PRKN: variants seen among roughly 807,000 people sequenced by gnomAD.
PRKN encodes E3 ubiquitin-protein ligase parkin.
A neutral mutation model predicts 59.5 loss-of-function variants in PRKN; 56 were observed. The ratio of observed to expected loss-of-function variants is 0.94; its 90% CI spans 0.76 to 1.18. The LOEUF (loss-of-function observed/expected upper bound fraction) is 1.18. PRKN is among the 50% of genes most tolerant of loss of function. PRKN has a pLI of 0.00. For synonymous variants in PRKN, 250 were observed against 222.1 expected, an observed-to-expected ratio of 1.13 and a Z score of -1.12; for missense variants, 657 against 596.4, an observed-to-expected ratio of 1.10 and a Z score of -1.06.
At chr6:161,721,954 T>C (rs1225986059) in intron 7 of PRKN, among the ~76,000 whole-genome samples, 1 of 152,164 alleles carries the variant, frequency 6.6e-6, no homozygotes, top group Admixed American at 6.5e-5. Flanking sequence ...AAAAAGACCT[T>C]AGAAGCACTT....
At chr6:162,724,446 T>G (rs936019731) in intron 1 of PRKN, among the ~76,000 whole-genome samples, 1 of 152,200 alleles carries the variant, frequency 6.6e-6, no homozygotes, top group African/African-American at 2.4e-5. Context: ...TACATGTCAT[T>G]AGCAGTGAGG....
chr6:161,521,719 T>C (rs1184196336), intron 9 of PRKN, among the ~76,000 whole-genome samples: 5 of 152,150 alleles, frequency 3.3e-5, no homozygotes, highest in African/African-American at 9.7e-5. Context: ...CTTGACCCAT[T>C]TGGGAGGTCC....
intron 3 of PRKN, among the ~76,000 whole-genome samples, chr6:162,240,266 T>C (rs865920339): frequency 1.3e-5 from 2 of 152,176 alleles, no homozygotes; most frequent in Non-Finnish European, 2.9e-5. Context: ...AATTCTATCA[T>C]CCAATAAGTG....
intron 2 of PRKN, among the ~76,000 whole-genome samples, chr6:162,410,283 G>C (rs1161361372): frequency 1.3e-5 from 2 of 152,068 alleles, no homozygotes; most frequent in Admixed American, 6.5e-5. Context: ...CCCCATGGGG[G>C]GAAGAGATCC....
At chr6:161,990,939 T>C (rs911204057) in intron 5 of PRKN, among the ~76,000 whole-genome samples, 1 of 152,178 alleles carries the variant, frequency 6.6e-6, no homozygotes, top group Non-Finnish European at 1.5e-5. Flanking sequence ...AAATGTCTTT[T>C]TCAAGGAACA....
intron 2 of PRKN, among the ~76,000 whole-genome samples, chr6:162,377,848 T>C (rs553252965): frequency 1.1e-4 from 17 of 152,308 alleles, no homozygotes; most frequent in Admixed American, 4.6e-4. Flanking sequence ...TGGTTATTAA[T>C]ACTCCAAACT....
At chr6:162,405,901 C>T (rs900444632) in intron 2 of PRKN, among the ~76,000 whole-genome samples, 4 of 152,024 alleles carry the variant, frequency 2.6e-5, no homozygotes, top group Admixed American at 6.5e-5. Context: ...TGTGGTATGG[C>T]GGCCCTAGCA....
intron 7 of PRKN, among the ~76,000 whole-genome samples, chr6:161,602,436 A>C (rs1583280480): frequency 6.6e-6 from 1 of 152,350 alleles, no homozygotes; most frequent in African/African-American, 2.4e-5. Context: ...GCTATAATTT[A>C]CTGAGAGTAT....
chr6:162,482,028 G>A (rs113047736), intron 1 of PRKN, among the ~76,000 whole-genome samples: 4 of 151,966 alleles, frequency 2.6e-5, no homozygotes, highest in African/African-American at 9.7e-5. Context: ...TTCTTCTTTG[G>A]GTCTTACCTT....
chr6:162,405,742 G>A (rs965654951), intron 2 of PRKN, among the ~76,000 whole-genome samples: 4 of 152,190 alleles, frequency 2.6e-5, no homozygotes, highest in South Asian at 4.1e-4. Context: ...GAAACGCTAC[G>A]CGGGGGTGTA....
chr6:161,826,133 T>G (rs1422522924), intron 6 of PRKN, among the ~76,000 whole-genome samples: 1 of 152,148 alleles, frequency 6.6e-6, no homozygotes, highest in African/African-American at 2.4e-5. Context: ...GGAGCCCTCA[T>G]TACTGTAGCT....
intron 5 of PRKN, among the ~76,000 whole-genome samples, chr6:162,053,615 T>C (rs1209227742): frequency 6.6e-6 from 1 of 152,100 alleles, no homozygotes; most frequent in Non-Finnish European, 1.5e-5. Flanking sequence ...ACCCATACTA[T>C]ATTTTGTAAT....
At chr6:161,699,583 A>T (rs970350285) in intron 7 of PRKN, among the ~76,000 whole-genome samples, 3 of 152,224 alleles carry the variant, frequency 2.0e-5, no homozygotes, top group Admixed American at 1.3e-4. Flanking sequence ...CAATATAATT[A>T]GGCTGAGTAT....
intron 7 of PRKN, among the ~76,000 whole-genome samples, chr6:161,586,708 G>A (rs992004770): frequency 3.3e-5 from 5 of 152,102 alleles, no homozygotes; most frequent in African/African-American, 9.7e-5. Flanking sequence ...ATTAAAGAAC[G>A]GAAGCCATCT....
At position 161,546,806 on chromosome 6, in the gene PRKN, T is replaced by C. The variant is rs561364344; in HGVS notation, c.1083+2048A>G. Among the ~76,000 whole-genome samples, 4 of 152,228 alleles carry C rather than the reference T, an allele frequency of 2.6e-5. No homozygotes were observed. The East Asian group carries it at 5.8e-4, about 22-fold the overall frequency. Reference sequence around the variant, plus strand: ...TGTAGCTTCTCTCTGTTCTCTCTTTTGGACAACTTGCTCTGGGGAAAGCCA... The same window carrying C: ...TGTAGCTTCTCTCTGTTCTCTCTTTCGGACAACTTGCTCTGGGGAAAGCCA... On this transcript the variant is annotated intron_variant, in intron 9 of 11. Transcript: ENST00000366898. The surrounding 1 kb of genome is among the most constrained non-coding windows in gnomAD (Gnocchi z 4.4).
intron 2 of PRKN, among the ~76,000 whole-genome samples, chr6:162,264,028 C>A (rs1003858740): frequency 6.6e-6 from 1 of 152,124 alleles, no homozygotes; most frequent in African/African-American, 2.4e-5. Flanking sequence ...AATCCCAGCA[C>A]TTTGGGAGGC....
chr6:161,902,220 G>C (rs1279138310), intron 6 of PRKN, among the ~76,000 whole-genome samples: 1 of 152,044 alleles, frequency 6.6e-6, no homozygotes, highest in African/African-American at 2.4e-5. Context: ...GGCCGGCCCC[G>C]TCCTCGCACC....
intron 1 of PRKN, among the ~76,000 whole-genome samples, chr6:162,639,795 A>T (rs2128224249): frequency 6.6e-6 from 1 of 152,290 alleles, no homozygotes; most frequent in African/African-American, 2.4e-5. Context: ...TGGTCTAATT[A>T]TTCACATGGA....
chr6:162,122,758 C>G (rs936842387), intron 4 of PRKN, among the ~76,000 whole-genome samples: 4 of 148,628 alleles, frequency 2.7e-5, no homozygotes, highest in Non-Finnish European at 6.0e-5. Context: ...ATCTATCTAT[C>G]TCTGATATAT....
Sources: gnomAD v4.1 joint callset for allele counts (sites outside exome capture counted in the v4.1 genomes callset) on GRCh38, gnomAD v4.1.1 for gene constraint, Gnocchi (gnomAD v3.1) non-coding constraint, MANE v1.5 for transcripts, NCBI Gene and HGNC (gene_info 2026-07-23, HGNC 2026-07-21) for gene names.